The following KIF13A variants were observed in gnomAD, a reference collection of about 807,000 sequenced individuals.
The protein encoded by KIF13A is kinesin family member 13A, also known as kinesin-like protein KIF13A.
Under a neutral mutation model 212.2 loss-of-function variants are expected in KIF13A, and 79 were observed. The observed-to-expected ratio is 0.37, with a 90% CI of 0.31 to 0.45. The LOEUF (loss-of-function observed/expected upper bound fraction) is 0.45. Ranked by LOEUF, KIF13A falls within the 20% of genes least tolerant of loss-of-function variation. The pLI, the probability that KIF13A is intolerant of heterozygous loss-of-function variation, is 1.00. For synonymous variants in KIF13A, 789 were observed against 808.6 expected (o/e 0.98, Z 0.41); for missense variants, 1,901 against 2,209.0 (o/e 0.86, Z 2.79).
chr6:17,774,377 C>A (rs1202345110), intron 35 of KIF13A, among the ~76,000 whole-genome samples: 1 of 152,134 alleles, frequency 6.6e-6, no homozygotes, highest in East Asian at 1.9e-4. Context: ...CTTCTCCAAT[C>A]ATTTAGAGTT....
Position 17,805,517 on chromosome 6 carries a change from G to A in KIF13A, c.2262C>T (p.Asp754=), listed in dbSNP as rs1762866311. The A allele has an allele frequency of 6.2e-7, 1 of 1,613,632 alleles. No homozygotes were observed. Among genetic ancestry groups the A allele is most frequent in the Non-Finnish European group, 8.5e-7 (1 of 1,179,750 alleles). The stretch of plus-strand genomic sequence containing the variant: ...TCCATTCTTGGTAAAGGTCTCTCAT[G>A]TCAATTAATTTATTCTCCAGCTTCT... ...TIEKLENKLI[D]MRDLYQEWKE... is the part of the protein sequence containing the mutation. The change falls in exon 19 of 39, where the codon GAC becomes GAT. Residue 754 remains aspartate, a synonymous_variant. Coordinates refer to ENST00000259711, the MANE Select transcript of KIF13A (RefSeq NM_022113.6).
At chr6:17,977,341 ATAGT>A (rs1780657528) in intron 2 of KIF13A, among the ~76,000 whole-genome samples, 2 of 152,192 alleles carry the variant, frequency 1.3e-5, no homozygotes, top group Admixed American at 1.3e-4. Context: ...ATGTAAGAGA[ATAGT>A]TCACGTTGTC....
At chr6:17,957,132 T>A (rs902895702) in intron 2 of KIF13A, among the ~76,000 whole-genome samples, 3 of 152,206 alleles carry the variant, frequency 2.0e-5, no homozygotes, top group African/African-American at 4.8e-5. Flanking sequence ...TCTGCCCGCC[T>A]TGGCCTCTCA....
Position 17,987,303 on chromosome 6 carries a change from G to T in KIF13A, c.55+106C>A. 1 of 905,746 alleles carries T rather than the reference G, an allele frequency of 1.1e-6. No homozygotes were observed. 56.1% of individuals were successfully genotyped at this position (905,746 alleles called of 1,614,324 possible). On this transcript the variant is annotated intron_variant, in intron 1 of 38. Transcript: ENST00000259711. The surrounding 1 kb of genome is among the most constrained non-coding windows in gnomAD (Gnocchi z 7.7). ...CCAGCGCGGACGCCGCCTCCGCCCCGGCCCCCCGGCCCCGGCCGCGCTCTC... is the reference window on the plus strand; with the variant it reads ...CCAGCGCGGACGCCGCCTCCGCCCCTGCCCCCCGGCCCCGGCCGCGCTCTC...
At chr6:17,784,839 CAG>C (rs1760909670) in intron 28 of KIF13A, among the ~76,000 whole-genome samples, 1 of 152,152 alleles carries the variant, frequency 6.6e-6, no homozygotes, top group Non-Finnish European at 1.5e-5. Context: ...CCTGCAGATT[CAG>C]AGTCTCTAGT....
rs761659849 is a variant in KIF13A at position 17,934,499 on chromosome 6, G to A, written c.147-36319C>T. 2.0e-5 allele frequency among the ~76,000 whole-genome samples: 3 copies of A among 152,008 alleles called. No homozygotes were observed. The highest frequency in any genetic ancestry group is 4.4e-5 in the Non-Finnish European group (3 of 68,010). On this transcript the variant is annotated intron_variant, in intron 2 of 38. Coordinates refer to ENST00000259711, the MANE Select transcript of KIF13A (RefSeq NM_022113.6). This position sits in a 1 kb window ranked among gnomAD's most constrained non-coding sequence, Gnocchi z 5.4. ...CCCAATAATATCATAATAAAAAGAC[G>A]CCGAAGGCCAGGCACCGTGGGTCAT...
intron 3 of KIF13A, among the ~76,000 whole-genome samples, chr6:17,893,215 C>T (rs975046181): frequency 6.6e-6 from 1 of 152,186 alleles, no homozygotes; most frequent in Non-Finnish European, 1.5e-5. Flanking sequence ...CAGGATTCCT[C>T]TTCATGTACC....
intron 2 of KIF13A, among the ~76,000 whole-genome samples, chr6:17,975,214 G>A (rs907065123): frequency 2.6e-5 from 4 of 152,128 alleles, no homozygotes; most frequent in African/African-American, 4.8e-5. Context: ...ACTAGCAGGC[G>A]GGGTGGCAGG....
chr6:17,978,621 TA>T (rs1213092679), intron 2 of KIF13A, among the ~76,000 whole-genome samples: 1 of 152,242 alleles, frequency 6.6e-6, no homozygotes, highest in East Asian at 1.9e-4. Context: ...CTTTAAATTT[TA>T]AACATATAAA....
chr6:17,938,660 C>T (rs953064909), intron 2 of KIF13A, among the ~76,000 whole-genome samples: 1 of 152,092 alleles, frequency 6.6e-6, no homozygotes, highest in African/African-American at 2.4e-5. Context: ...CTAAATCTCA[C>T]TGAAATGTCA....
rs1212420259 is a variant in KIF13A at position 17,785,306 on chromosome 6, CAATGCTCTCTCGCTTCCT to C, written c.3488+191_3488+208del. Among the ~76,000 whole-genome samples, 1 of 152,144 alleles carries C rather than the reference CAATGCTCTCTCGCTTCCT, an allele frequency of 6.6e-6. No individual in the cohort carries two copies. Among genetic ancestry groups the C allele is most frequent in the Non-Finnish European group, 1.5e-5 (1 of 68,040 alleles). Reference sequence around the variant, plus strand: ...GGTATGTGATTCCTGGCCAGGTAATCAATGCTCTCTCGCTTCCTGTGGGAGAAAGTTGGCTTCGGTGGG... The same window carrying C: ...GGTATGTGATTCCTGGCCAGGTAATCGTGGGAGAAAGTTGGCTTCGGTGGG... On this transcript the variant is annotated intron_variant, in intron 28 of 38. Transcript: ENST00000259711. This position sits in a 1 kb window ranked among gnomAD's most constrained non-coding sequence, Gnocchi z 5.8.
chr6:17,914,119 A>T lies in KIF13A; in HGVS notation c.147-15939T>A, dbSNP rs1291262189. Reference sequence around the variant, plus strand: ...GGTCCTTTATCACAGATGTTTCGAGAAGCACATAATCCAAGGCCATTTCTT... The same window carrying T: ...GGTCCTTTATCACAGATGTTTCGAGTAGCACATAATCCAAGGCCATTTCTT... On this transcript the variant is annotated intron_variant, in intron 2 of 38. Coordinates refer to ENST00000259711, the MANE Select transcript of KIF13A (RefSeq NM_022113.6). The surrounding 1 kb of genome is among the most constrained non-coding windows in gnomAD (Gnocchi z 5.9). 5.9e-5 allele frequency among the ~76,000 whole-genome samples: 9 copies of T among 152,248 alleles called. No homozygotes were observed. In the East Asian group the frequency reaches 1.7e-3, roughly 29 times the overall value.
At chr6:17,792,286 T>C (rs898776785) in intron 25 of KIF13A, among the ~76,000 whole-genome samples, 23 of 151,548 alleles carry the variant, frequency 1.5e-4, no homozygotes, top group African/African-American at 5.3e-4. Flanking sequence ...ACCCATATAC[T>C]TATACTGCAG....
intron 30 of KIF13A, 120 bp from the exon 31 acceptor site, chr6:17,781,026 C>A: frequency 7.4e-7 from 1 of 1,359,848 alleles, no homozygotes. Context: ...AGATTTCTTT[C>A]CTCACCTTTT....
chr6:17,966,466 C>A (rs947540672), intron 2 of KIF13A, among the ~76,000 whole-genome samples: 35 of 85,320 alleles, frequency 4.1e-4, no homozygotes, highest in South Asian at 1.4e-3. Flanking sequence ...TTTTTTTTGA[C>A]AGTGAGCAGG....
intron 3 of KIF13A, among the ~76,000 whole-genome samples, chr6:17,881,061 T>C (rs1421025074): frequency 1.3e-5 from 2 of 152,212 alleles, no homozygotes; most frequent in Non-Finnish European, 2.9e-5. Flanking sequence ...AAAGCATAGA[T>C]GTTTTGTAGT....
At position 17,828,287 on chromosome 6, in the gene KIF13A, G is replaced by A. The variant is rs1765149373; in HGVS notation, c.1485C>T (p.Asp495=). 1 of 1,610,444 alleles carries A rather than the reference G, an allele frequency of 6.2e-7. No homozygotes were observed. The highest frequency in any genetic ancestry group is 8.5e-7 in the Non-Finnish European group (1 of 1,178,178). ...IGIQPQHCEI[D]IASDGDVTLT... is the part of the protein sequence containing the mutation. ...GAGTGACGTCTCCATCAGATGCAAT[G>A]TCAATCTCACAGTGCTGAGGCTGAA... Residue 495 remains aspartate (D), a synonymous_variant, in exon 14 of 39, where the codon GAC becomes GAT. Coordinates refer to ENST00000259711, the MANE Select transcript of KIF13A (RefSeq NM_022113.6). This position sits in a 1 kb window ranked among gnomAD's most constrained non-coding sequence, Gnocchi z 4.3.
At position 17,985,776 on chromosome 6, in the gene KIF13A, C is replaced by T. The variant is rs73375108; in HGVS notation, c.146+1278G>A. Among the ~76,000 whole-genome samples, 811 of 152,212 alleles carry T rather than the reference C, an allele frequency of 5.3e-3. 4 individuals carry two copies. Among genetic ancestry groups the T allele is most frequent in the African/African-American group, 0.019 (778 of 41,540 alleles). On this transcript the variant is annotated intron_variant, in intron 2 of 38. Coordinates refer to ENST00000259711, the MANE Select transcript of KIF13A (RefSeq NM_022113.6). Reference sequence around the variant, plus strand: ...ACTGCTATAAATGCATCTAAAAATACATCCATTACTAGACAACATTCAGTA... The same window carrying T: ...ACTGCTATAAATGCATCTAAAAATATATCCATTACTAGACAACATTCAGTA...
chr6:17,878,103 G>C (rs571190735), intron 3 of KIF13A, among the ~76,000 whole-genome samples: 3 of 152,184 alleles, frequency 2.0e-5, no homozygotes, highest in African/African-American at 7.2e-5. Flanking sequence ...TCCCAGTGAG[G>C]TGAAGGGAGA....
Sources: gnomAD v4.1 joint callset for allele counts (sites outside exome capture counted in the v4.1 genomes callset) on GRCh38, gnomAD v4.1.1 for gene constraint, Gnocchi (gnomAD v3.1) non-coding constraint, MANE v1.5 for transcripts, NCBI Gene and HGNC (gene_info 2026-07-23, HGNC 2026-07-21) for gene names.